Variants in RPS6KA5 observed in about 807,000 individuals in gnomAD.
The protein encoded by RPS6KA5 is ribosomal protein S6 kinase A5.
Under a neutral mutation model 85.5 loss-of-function variants are expected in RPS6KA5, and 27 were observed. The observed-to-expected ratio is 0.32, with a 90% confidence interval of 0.23 to 0.44. The LOEUF is 0.44. Ranked by LOEUF, RPS6KA5 falls within the 20% of genes least tolerant of loss-of-function variation. RPS6KA5 has a pLI of 1.00. For missense variants in RPS6KA5, 811 were observed against 980.9 expected (o/e 0.83, Z 2.31); for synonymous variants, 334 against 348.2 (o/e 0.96, Z 0.46).
At chr14:90,993,553 T>A (rs2040395452) in intron 2 of RPS6KA5, among the ~76,000 whole-genome samples, 1 of 151,832 alleles carries the variant, frequency 6.6e-6, no homozygotes, top group Non-Finnish European at 1.5e-5. Flanking sequence ...AAGTGTAGAT[T>A]AACAGTTATT....
chr14:90,988,155 T>C (rs190863237), intron 2 of RPS6KA5, among the ~76,000 whole-genome samples: 97 of 152,320 alleles, frequency 6.4e-4, no homozygotes, highest in African/African-American at 2.0e-3. Flanking sequence ...TGGAAATAAA[T>C]GCATCAGCAA....
At chr14:90,979,948 G>A (rs12385934) in intron 2 of RPS6KA5, among the ~76,000 whole-genome samples, 2 of 152,152 alleles carry the variant, frequency 1.3e-5, no homozygotes, top group East Asian at 1.9e-4. Flanking sequence ...CCTCACAAGC[G>A]CTAGTAATCA....
chr14:90,902,656 A>T (rs1196048682), intron 9 of RPS6KA5, 152 bp downstream of exon 9: 1 of 599,046 alleles, frequency 1.7e-6, no homozygotes, highest in African/African-American at 1.9e-5. Context: ...GCTTCGGTTA[A>T]CAATGTGCAA....
intron 7 of RPS6KA5, among the ~76,000 whole-genome samples, chr14:90,908,327 T>C (rs1041441308): frequency 5.3e-5 from 8 of 152,200 alleles, no homozygotes; most frequent in African/African-American, 1.9e-4. Flanking sequence ...TCTGAAAGCA[T>C]GTCGGCGGAA....
chr14:90,934,391 G>T (rs2037151998), intron 5 of RPS6KA5, among the ~76,000 whole-genome samples: 1 of 152,064 alleles, frequency 6.6e-6, no homozygotes, highest in Non-Finnish European at 1.5e-5. Context: ...TCACATTTAT[G>T]AATTCTTATT....
intron 5 of RPS6KA5, among the ~76,000 whole-genome samples, chr14:90,924,384 A>G (rs903100135): frequency 2.6e-5 from 4 of 152,208 alleles, no homozygotes; most frequent in African/African-American, 9.6e-5. Context: ...ATGAAGATGC[A>G]TAATGCCTTA....
chr14:90,990,428 T>C (rs2040254005), intron 2 of RPS6KA5, among the ~76,000 whole-genome samples: 1 of 152,214 alleles, frequency 6.6e-6, no homozygotes, highest in Non-Finnish European at 1.5e-5. Context: ...ACACTGCTAG[T>C]GGGAATGTAA....
chr14:90,908,908 T>TCC (rs1352209902), intron 7 of RPS6KA5, among the ~76,000 whole-genome samples: 1 of 152,022 alleles, frequency 6.6e-6, no homozygotes, highest in Non-Finnish European at 1.5e-5. Flanking sequence ...GTCCACAAGC[T>TCC]CCCCCTTATT....
intron 12 of RPS6KA5, among the ~76,000 whole-genome samples, chr14:90,896,120 C>G (rs1181695732): frequency 6.6e-6 from 1 of 152,110 alleles, no homozygotes; most frequent in Non-Finnish European, 1.5e-5. Context: ...AGTGAACAAC[C>G]CTTCTAACAA....
rs539782437 is a variant in RPS6KA5 at position 90,972,707 on chromosome 14, T to C, written c.394+5599A>G. On this transcript the variant is annotated intron_variant, in intron 3 of 16. Transcript: ENST00000614987. ...AGGAGTAGAGGAGGTCTTCTGACTATGACTCAAAATCACAAGCCATAAAAA... is the reference window on the plus strand; with the variant it reads ...AGGAGTAGAGGAGGTCTTCTGACTACGACTCAAAATCACAAGCCATAAAAA... Among the ~76,000 whole-genome samples, 5 of 152,304 alleles carry C rather than the reference T, an allele frequency of 3.3e-5. No individual in the cohort carries two copies. The East Asian group carries it at 9.6e-4, about 29-fold the overall frequency.
chr14:90,908,364 A>T (rs1161682519), intron 7 of RPS6KA5, among the ~76,000 whole-genome samples: 1 of 152,206 alleles, frequency 6.6e-6, no homozygotes, highest in Non-Finnish European at 1.5e-5. Flanking sequence ...GAGCTTGGAG[A>T]ACCACCAGTG....
intron 1 of RPS6KA5, among the ~76,000 whole-genome samples, chr14:91,046,752 C>G (rs150087742): frequency 1.7e-3 from 262 of 151,766 alleles, no homozygotes; most frequent in Non-Finnish European, 3.4e-3. Flanking sequence ...AGTATGCCCC[C>G]ATTTTATTGT....
intron 13 of RPS6KA5, among the ~76,000 whole-genome samples, chr14:90,891,884 A>G (rs1434427318): frequency 6.6e-6 from 1 of 152,244 alleles, no homozygotes; most frequent in African/African-American, 2.4e-5. Flanking sequence ...CTGTCCACAC[A>G]GAACAGCTGA....
In RPS6KA5 at chr14:91,001,154, A is replaced by C; in HGVS notation, c.109T>G (p.Leu37Val). ...TVKHELRTAN[L>V]TGHAEKVGIE... ...CCCACCTTCTCAGCATGTCCTGTCA[A>C]ATTAGCTAAAAGAAAAAAAGAGGAA... Residue 37 changes from leucine to valine, a missense_variant, in exon 2 of 17, where the codon TTG (leucine) becomes GTG (valine). Transcript: ENST00000614987. The C allele has an allele frequency of 1.3e-6, 2 of 1,595,500 alleles. No individual in the cohort carries two copies. The highest frequency in any genetic ancestry group is 1.7e-6 in the Non-Finnish European group (2 of 1,171,084).
chr14:90,910,620 C>T (rs1199669617), intron 7 of RPS6KA5, among the ~76,000 whole-genome samples: 1 of 151,598 alleles, frequency 6.6e-6, no homozygotes, highest in Non-Finnish European at 1.5e-5. Context: ...AAATCACTGA[C>T]CTTTAAGCAC....
At chr14:91,000,579 T>C (rs1403202341) in intron 2 of RPS6KA5, among the ~76,000 whole-genome samples, 3 of 152,124 alleles carry the variant, frequency 2.0e-5, no homozygotes, top group Admixed American at 2.0e-4. Context: ...GGCGGATTAC[T>C]TGAGGTCAGG....
intron 5 of RPS6KA5, among the ~76,000 whole-genome samples, chr14:90,925,057 A>T (rs1326570006): frequency 6.6e-6 from 1 of 152,224 alleles, no homozygotes. Flanking sequence ...TGATTTTTAA[A>T]AAGGATTACA....
chr14:90,931,175 G>A (rs994689316), intron 5 of RPS6KA5, among the ~76,000 whole-genome samples: 18 of 152,112 alleles, frequency 1.2e-4, no homozygotes, highest in Admixed American at 5.9e-4. Flanking sequence ...ACAAAATGTG[G>A]CATATAAATA....
intron 3 of RPS6KA5, among the ~76,000 whole-genome samples, chr14:90,958,650 T>C (rs1178387170): frequency 6.6e-6 from 1 of 152,172 alleles, no homozygotes; most frequent in Non-Finnish European, 1.5e-5. Context: ...TTCATTTTAT[T>C]CAACAGATAT....
Sources: gnomAD v4.1 joint callset for allele counts (sites outside exome capture counted in the v4.1 genomes callset) on GRCh38, gnomAD v4.1.1 for gene constraint, MANE v1.5 for transcripts, NCBI Gene and HGNC (gene_info 2026-07-23, HGNC 2026-07-21) for gene names.